Variants in OOEP observed in about 807,000 individuals in gnomAD.
OOEP encodes the protein oocyte-expressed protein homolog.
In OOEP, 16 loss-of-function variants were observed where a neutral mutation model predicts 13.7. The observed-to-expected ratio is 1.16, with a 90% CI of 0.79 to 1.77. The LOEUF is 1.77. Among genes scored for constraint, OOEP ranks in the 40% most tolerant of loss-of-function variants. OOEP has a pLI of 0.00. For missense variants in OOEP, 195 were observed against 193.1 expected, an observed-to-expected ratio of 1.01 and a Z score of -0.06; for synonymous variants, 89 against 77.1, an observed-to-expected ratio of 1.15 and a Z score of -0.81.
intron 2 of OOEP, among the ~76,000 whole-genome samples, chr6:73,389,843 A>G (rs1352374091): frequency 6.6e-6 from 1 of 152,234 alleles, no homozygotes; most frequent in African/African-American, 2.4e-5. Flanking sequence ...CTTAAAGTAT[A>G]ATAATAAATA....
upstream of OOEP, among the ~76,000 whole-genome samples, chr6:73,370,540 G>T (rs1769033740): frequency 6.6e-6 from 1 of 152,116 alleles, no homozygotes; most frequent in African/African-American, 2.4e-5. Flanking sequence ...CCCTCCCCGA[G>T]TTTAACAGAT....
chr6:73,393,439 C>T (rs573707295), intron 2 of OOEP, among the ~76,000 whole-genome samples: 12 of 152,328 alleles, frequency 7.9e-5, no homozygotes, highest in African/African-American at 2.9e-4. Flanking sequence ...CAAAGGAGTG[C>T]ACTTGCAGCT....
At chr6:73,385,380 G>A (rs981246035) in intron 2 of OOEP, among the ~76,000 whole-genome samples, 9 of 149,636 alleles carry the variant, frequency 6.0e-5, no homozygotes, top group Non-Finnish European at 1.5e-5. Flanking sequence ...ATGGAATTCA[G>A]CATTATTAAA....
chr6:73,383,301 TAAC>T (rs1769232468), intron 2 of OOEP, among the ~76,000 whole-genome samples: 1 of 152,180 alleles, frequency 6.6e-6, no homozygotes, highest in African/African-American at 2.4e-5. Flanking sequence ...TAGTGTGGGC[TAAC>T]AACAGGGAAA....
chr6:73,375,052 C>T (rs1433894982), intron 2 of OOEP, among the ~76,000 whole-genome samples: 6 of 152,154 alleles, frequency 3.9e-5, no homozygotes, highest in African/African-American at 1.4e-4. Context: ...GTCTCAAACT[C>T]CTGACCTCAG....
At chr6:73,385,595 CTTT>C (rs533507847) in intron 2 of OOEP, among the ~76,000 whole-genome samples, 67 of 142,426 alleles carry the variant, frequency 4.7e-4, no homozygotes, top group African/African-American at 1.4e-3. Flanking sequence ...TAAAAGCTCT[CTTT>C]TTTTTTTTTT....
chr6:73,381,225 AAAAGAAG>A (rs1182670271), intron 2 of OOEP, among the ~76,000 whole-genome samples: 60 of 129,754 alleles, frequency 4.6e-4, no homozygotes, highest in Non-Finnish European at 1.7e-4. Flanking sequence ...AAAAAAAAAA[AAAAGAAG>A]AAGAAAAAGA....
At chr6:73,374,847 CAG>C (rs1170043309), upstream of OOEP, among the ~76,000 whole-genome samples, 1 of 152,180 alleles carries the variant, frequency 6.6e-6, no homozygotes, top group Admixed American at 6.5e-5. Context: ...ATTTTTGAGA[CAG>C]AGTCTCGCTC....
intron 2 of OOEP, among the ~76,000 whole-genome samples, chr6:73,387,125 T>C (rs1227135450): frequency 6.6e-6 from 1 of 151,804 alleles, no homozygotes; most frequent in African/African-American, 2.4e-5. Context: ...TACATATATG[T>C]ATATTTTAAA....
At chr6:73,394,132 G>A (rs1038726292) in intron 2 of OOEP, among the ~76,000 whole-genome samples, 1 of 152,154 alleles carries the variant, frequency 6.6e-6, no homozygotes, top group African/African-American at 2.4e-5. Context: ...CTTGAGTCCA[G>A]GAGTTCAAGA....
Position 73,394,801 on chromosome 6 carries a change from A to G in OOEP, c.-201T>C. ...GGGGCTAGCCTCGTGCGGGCTCCTTAAGTAGCGGCTGCGTGGCTTCCCTGG... is the reference window on the plus strand; with the variant it reads ...GGGGCTAGCCTCGTGCGGGCTCCTTGAGTAGCGGCTGCGTGGCTTCCCTGG... On this transcript the variant is annotated 5_prime_UTR_variant, in exon 1 of 4. Transcript: ENST00000370363. 4 of 1,514,100 alleles carry G rather than the reference A, an allele frequency of 2.6e-6. No individual in the cohort carries two copies. In the South Asian group the frequency reaches 5.1e-5, roughly 19 times the overall value. 93.8% of individuals were successfully genotyped at this position (1,514,100 alleles called of 1,614,324 possible).
chr6:73,369,476 T>C lies in OOEP; in HGVS notation c.191-91A>G, dbSNP rs1769009924. Reference sequence around the variant, plus strand: ...AATGTTGGCCAGGGAAGGGAAGAACTGGAAGGTGGGCATCACTGCAACACT... The same window carrying C: ...AATGTTGGCCAGGGAAGGGAAGAACCGGAAGGTGGGCATCACTGCAACACT... On this transcript the variant is annotated intron_variant, in intron 1 of 2. Coordinates refer to ENST00000370359, the MANE Select transcript of OOEP (RefSeq NM_001080507.3). The C allele has an allele frequency of 1.7e-5, 26 of 1,502,466 alleles. No homozygotes were observed. In the South Asian group the frequency reaches 2.8e-4, roughly 16 times the overall value. The allele number at this position is 1,502,466 out of a possible 1,614,324, so 93.1% of individuals were successfully genotyped here. A position where few individuals can be genotyped will look rare whatever the true frequency, so the allele number is the denominator to read the frequency against.
In OOEP at chr6:73,368,781, G is replaced by A; in HGVS notation, c.*3C>T. 6.3e-7 allele frequency: 1 copy of A among 1,599,664 alleles called. No individual in the cohort carries two copies. On this transcript the variant is annotated 3_prime_UTR_variant, in exon 3 of 3. Coordinates refer to ENST00000370359, the MANE Select transcript of OOEP (RefSeq NM_001080507.3). ...AGATGTTCCCAACAGTAACTATGTTGTCTTAAGCAACAGGATCCTGGGGAG... is the reference window on the plus strand; with the variant it reads ...AGATGTTCCCAACAGTAACTATGTTATCTTAAGCAACAGGATCCTGGGGAG...
exon 1 of OOEP, chr6:73,394,720 G>C (rs773750545): frequency 5.2e-5 from 43 of 824,714 alleles, no homozygotes; most frequent in Non-Finnish European, 3.5e-5. Flanking sequence ...AACGCTCACT[G>C]GCCAATGGCT....
intron 2 of OOEP, among the ~76,000 whole-genome samples, chr6:73,385,471 A>C (rs1176885288): frequency 1.3e-5 from 2 of 152,242 alleles, no homozygotes; most frequent in East Asian, 3.8e-4. Context: ...TTAATATGCC[A>C]TATTAATAGA....
chr6:73,388,609 G>A (rs1769306102), intron 2 of OOEP, among the ~76,000 whole-genome samples: 1 of 152,174 alleles, frequency 6.6e-6, no homozygotes, highest in Non-Finnish European at 1.5e-5. Flanking sequence ...AGGCAAAGTG[G>A]CAGAACAGAA....
Position 73,369,757 on chromosome 6 carries a change from C to A in OOEP, c.36G>T (p.Arg12=), listed in dbSNP as rs756335349. 2 of 1,613,822 alleles carry A rather than the reference C, an allele frequency of 1.2e-6. No individual in the cohort carries two copies. Among genetic ancestry groups the A allele is most frequent in the Non-Finnish European group, 1.7e-6 (2 of 1,179,878 alleles). ...GGGAGTGGGCCGGAGTCTGTTTGCC[C>A]CGCTGGGACTCAGCGGCACCAGCAT... is the stretch of plus-strand genomic sequence containing the variant. ...VDDAGAAESQ[R]GKQTPAHSLE... The change falls in exon 1 of 3, where the codon CGG becomes CGT. Residue 12 remains arginine, a synonymous_variant. Transcript: ENST00000370359.
At chr6:73,370,146 T>C (rs1769027841), upstream of OOEP, 1 of 246,486 alleles carries the variant, frequency 4.1e-6, no homozygotes, top group East Asian at 8.9e-5. Flanking sequence ...TGAGTTTGAA[T>C]TGACGACTCT....
At chr6:73,394,087 C>G (rs1769399031) in intron 2 of OOEP, among the ~76,000 whole-genome samples, 1 of 152,048 alleles carries the variant, frequency 6.6e-6, no homozygotes, top group African/African-American at 2.4e-5. Context: ...AGGCCTGTAA[C>G]CCCAGCACTA....
Sources: allele counts gnomAD v4.1 joint callset (sites outside exome capture counted in the v4.1 genomes callset), GRCh38; gene constraint gnomAD v4.1.1; transcripts MANE v1.5; gene names NCBI Gene and HGNC (gene_info 2026-07-23, HGNC 2026-07-21).